The following RBFOX1 variants were observed in gnomAD, a reference collection of about 807,000 sequenced individuals.
The protein encoded by RBFOX1 is RNA binding fox-1 homolog 1.
Under a neutral mutation model 57.7 loss-of-function variants are expected in RBFOX1, and 8 were observed. The observed-to-expected ratio is 0.14, with a 90% CI of 0.08 to 0.25. The LOEUF is 0.25. Ranked by LOEUF, RBFOX1 falls within the 10% of genes least tolerant of loss-of-function variation. The pLI, the probability that RBFOX1 is intolerant of heterozygous loss-of-function variation, is 1.00. For synonymous variants in RBFOX1, 326 were observed against 222.4 expected (o/e 1.47, Z -4.15); for missense variants, 611 against 548.5 (o/e 1.11, Z -1.14).
chr16:6,350,497 A>C (rs2086173464), intron 2 of RBFOX1, among the ~76,000 whole-genome samples: 3 of 129,758 alleles, frequency 2.3e-5, no homozygotes, highest in South Asian at 4.9e-4. Context: ...AAAAAAAAAA[A>C]AACAGTGTTC....
intron 4 of RBFOX1, among the ~76,000 whole-genome samples, chr16:7,444,467 C>G (rs1327176522): frequency 5.3e-5 from 8 of 152,070 alleles, no homozygotes; most frequent in African/African-American, 1.9e-4. Context: ...GAGCAGAAAG[C>G]AAAGGCAGCT....
chr16:5,703,640 C>A (rs1199759896), intron 3 of RBFOX1, among the ~76,000 whole-genome samples: 2 of 152,190 alleles, frequency 1.3e-5, no homozygotes, highest in South Asian at 4.1e-4. Flanking sequence ...GGTTTCAGCT[C>A]AGCCACTGAA....
chr16:6,997,892 C>T (rs901760653), intron 3 of RBFOX1, among the ~76,000 whole-genome samples: 1 of 152,006 alleles, frequency 6.6e-6, no homozygotes. Context: ...GAAGGTTGTG[C>T]ACTACATGTA....
intron 4 of RBFOX1, among the ~76,000 whole-genome samples, chr16:7,512,254 C>T (rs894589188): frequency 1.4e-4 from 22 of 152,286 alleles, no homozygotes; most frequent in African/African-American, 4.3e-4. Flanking sequence ...AGCCTGTTCG[C>T]GTGCCTAGGA....
At chr16:6,681,520 A>AGG (rs2058648939) in intron 3 of RBFOX1, among the ~76,000 whole-genome samples, 1 of 151,676 alleles carries the variant, frequency 6.6e-6, no homozygotes, top group African/African-American at 2.4e-5. Context: ...TTGTCTCCAG[A>AGG]AGAGGTGTTT....
intron 1 of RBFOX1, among the ~76,000 whole-genome samples, chr16:6,313,613 T>C (rs569076924): frequency 7.2e-5 from 11 of 152,262 alleles, no homozygotes; most frequent in Non-Finnish European, 1.6e-4. Flanking sequence ...TAGGTGAAGG[T>C]AGCTAATGCA....
At chr16:6,038,695 T>C (rs1157728256) in intron 1 of RBFOX1, 1 of 149,086 alleles carries the variant, frequency 6.7e-6, no homozygotes, top group Non-Finnish European at 1.5e-5. Flanking sequence ...ATGAATAAAG[T>C]TCATTAAAAT....
chr16:6,118,322 A>C lies in RBFOX1; in HGVS notation c.-127+98330A>C, dbSNP rs182066167. 1.0e-2 allele frequency among the ~76,000 whole-genome samples: 1,517 copies of C among 152,316 alleles called. 25 individuals are homozygous for C. Among genetic ancestry groups the C allele is most frequent in the African/African-American group, 0.034 (1,427 of 41,558 alleles). ...ACTCAGGCTCCTATTATGCTATTAC[A>C]AAATACCTTACATTGGGTAGATTTT... On this transcript the variant is annotated intron_variant, in intron 1 of 15. Transcript: ENST00000550418.
intron 1 of RBFOX1, among the ~76,000 whole-genome samples, chr16:6,093,764 G>C (rs2096209127): frequency 6.6e-6 from 1 of 151,912 alleles, no homozygotes; most frequent in South Asian, 2.1e-4. Flanking sequence ...TGGGACCACA[G>C]GTGCATTCCA....
chr16:6,271,153 G>C (rs1277877935), intron 1 of RBFOX1, among the ~76,000 whole-genome samples: 5 of 152,174 alleles, frequency 3.3e-5, no homozygotes, highest in Non-Finnish European at 1.5e-5. Flanking sequence ...GCCGGGTGTG[G>C]TGGCTCACAC....
At chr16:6,482,063 G>C (rs937869220) in intron 2 of RBFOX1, among the ~76,000 whole-genome samples, 4 of 152,116 alleles carry the variant, frequency 2.6e-5, no homozygotes, top group African/African-American at 9.7e-5. Flanking sequence ...ATATTTGAAA[G>C]ATTTATTAGC....
intron 2 of RBFOX1, among the ~76,000 whole-genome samples, chr16:6,379,111 TG>T (rs1056383652): frequency 5.9e-5 from 9 of 151,980 alleles, no homozygotes; most frequent in African/African-American, 2.2e-4. Context: ...TTTGAGTGGA[TG>T]GGGGTGACTT....
rs578239064 is a variant in RBFOX1 at position 5,989,144 on chromosome 16, C to A, written c.351+121809C>A. Among the ~76,000 whole-genome samples the A allele has an allele frequency of 3.3e-5, 5 of 150,320 alleles. 1 individual carries two copies. The Middle Eastern group carries it at 0.014, about 412-fold the overall frequency. On this transcript the variant is annotated intron_variant, in intron 4 of 19. Coordinates refer to the RBFOX1 transcript ENST00000641259. The stretch of plus-strand genomic sequence containing the variant: ...GACCATCCTGACTAACACAGTGAAA[C>A]CCTGTCTCTACTAAAAAAAAAAAAA...
intron 1 of RBFOX1, among the ~76,000 whole-genome samples, chr16:6,114,601 CCTT>C (rs776522850): frequency 6.6e-6 from 1 of 152,076 alleles, no homozygotes; most frequent in Non-Finnish European, 1.5e-5. Context: ...ACTAACACTG[CCTT>C]TAGTTCAGTC....
intron 3 of RBFOX1, among the ~76,000 whole-genome samples, chr16:5,860,424 T>C (rs2151885184): frequency 6.6e-6 from 1 of 152,292 alleles, no homozygotes; most frequent in African/African-American, 2.4e-5. Context: ...TGTTTGTGCC[T>C]GTGAAAACAG....
intron 1 of RBFOX1, among the ~76,000 whole-genome samples, chr16:6,263,393 A>C (rs1157540390): frequency 6.6e-6 from 1 of 152,162 alleles, no homozygotes; most frequent in Non-Finnish European, 1.5e-5. Context: ...GGGTATAAAG[A>C]GAGAGGCTCT....
intron 3 of RBFOX1, among the ~76,000 whole-genome samples, chr16:6,807,532 C>T (rs1330653971): frequency 1.3e-5 from 2 of 151,894 alleles, no homozygotes; most frequent in Admixed American, 6.6e-5. Flanking sequence ...AAGATGCATA[C>T]TATGGCGGAG....
intron 3 of RBFOX1, among the ~76,000 whole-genome samples, chr16:6,898,268 C>A (rs554896546): frequency 6.6e-6 from 1 of 152,198 alleles, no homozygotes; most frequent in African/African-American, 2.4e-5. Flanking sequence ...CACCTGCCAT[C>A]CTCAAGCTGC....
intron 2 of RBFOX1, among the ~76,000 whole-genome samples, chr16:6,441,395 GT>G (rs915651175): frequency 2.6e-5 from 4 of 151,764 alleles, no homozygotes; most frequent in African/African-American, 9.7e-5. Context: ...TTATTTTCTT[GT>G]TTTTTTGTTT....
Sources: allele counts gnomAD v4.1 joint callset (sites outside exome capture counted in the v4.1 genomes callset), GRCh38; gene constraint gnomAD v4.1.1; transcripts MANE v1.5; gene names NCBI Gene and HGNC (gene_info 2026-07-23, HGNC 2026-07-21).